Variants in DNAJC15 observed in about 807,000 individuals in gnomAD.
DNAJC15 encodes the protein dnaJ homolog subfamily C member 15.
A neutral mutation model predicts 22.4 loss-of-function variants in DNAJC15; 27 were observed. The ratio of observed to expected loss-of-function variants is 1.20; its 90% CI spans 0.89 to 1.66. DNAJC15 has a LOEUF of 1.66. Ranked by LOEUF, DNAJC15 falls within the 40% of genes most tolerant of loss-of-function variation. The pLI is 0.00. For missense variants in DNAJC15, 208 were observed against 187.1 expected (o/e 1.11, Z -0.65); for synonymous variants, 79 against 63.2 (o/e 1.25, Z -1.19).
chr13:43,025,475 ACTGT>A (rs1276511685), intron 1 of DNAJC15, among the ~76,000 whole-genome samples: 1 of 152,234 alleles, frequency 6.6e-6, no homozygotes. Flanking sequence ...TGATTCTCAA[ACTGT>A]CTGTGTCCTG....
chr13:43,111,150 G>A lies in DNAJC15; in HGVS notation c.*3902G>A, dbSNP rs1440146272. The stretch of plus-strand genomic sequence containing the variant: ...AGCGTAAAGTCAAAAGTGGAGGGAA[G>A]TTTAGTAAGGAAAAAATGTTGGGCT... On this transcript the variant is annotated 3_prime_UTR_variant, in exon 6 of 6. Transcript: ENST00000379221. The A allele has an allele frequency of 6.6e-6, 1 of 152,078 alleles. No homozygotes were observed. Among genetic ancestry groups the A allele is most frequent in the East Asian group, 1.9e-4 (1 of 5,198 alleles). 9.4% of individuals were successfully genotyped at this position (152,078 alleles called of 1,614,324 possible).
intron 5 of DNAJC15, among the ~76,000 whole-genome samples, chr13:43,093,310 C>CT (rs202195885): frequency 0.015 from 2,214 of 152,220 alleles, 57 homozygotes; most frequent in African/African-American, 0.048. Context: ...AGTTTTCAAA[C>CT]TTTTTTGTCT....
rs2040738637 is a variant in DNAJC15, at chr13:43,096,156, A to G, written c.382+10318A>G. Among the ~76,000 whole-genome samples, 5 of 152,182 alleles carry G rather than the reference A, an allele frequency of 3.3e-5. No individual in the cohort carries two copies. The South Asian group carries it at 1.0e-3, about 32-fold the overall frequency. ...AATAAATGTAATGTTTTAAGTCTCA[A>G]AAGTCAATTGTATAACTGTGGGACA... On this transcript the variant is annotated intron_variant, in intron 5 of 5. Coordinates refer to ENST00000379221, the MANE Select transcript of DNAJC15 (RefSeq NM_013238.3).
At chr13:43,080,810 C>T (rs1322798384) in intron 4 of DNAJC15, among the ~76,000 whole-genome samples, 1 of 152,198 alleles carries the variant, frequency 6.6e-6, no homozygotes, top group Non-Finnish European at 1.5e-5. Flanking sequence ...CTTTCCATGT[C>T]TGTCACGAAC....
chr13:43,052,309 G>GT (rs1164775294), intron 1 of DNAJC15, among the ~76,000 whole-genome samples: 1 of 152,074 alleles, frequency 6.6e-6, no homozygotes, highest in African/African-American at 2.4e-5. Flanking sequence ...GAGTAAGGTG[G>GT]TATGGCATTA....
At chr13:43,091,588 T>C (rs982749927) in intron 5 of DNAJC15, among the ~76,000 whole-genome samples, 1 of 152,232 alleles carries the variant, frequency 6.6e-6, no homozygotes, top group East Asian at 1.9e-4. Context: ...TTATTCCCAA[T>C]ATTAGTACTT....
chr13:43,078,703 T>C lies in DNAJC15; in HGVS notation c.311+15T>C, dbSNP rs2040647515. 1.2e-6 allele frequency: 2 copies of C among 1,610,274 alleles called. No individual in the cohort carries two copies. The highest frequency in any genetic ancestry group is 1.7e-6 in the Non-Finnish European group (2 of 1,177,408). On this transcript the variant is annotated intron_variant, in intron 4 of 5. Transcript: ENST00000379221. ...TTAGGTGTAAGGTAGGTGTGCAGCA[T>C]AAGTATTGTTTTGTTGTGTGGCCAA... is the stretch of plus-strand genomic sequence containing the variant.
At chr13:43,050,252 C>T (rs1277626944) in intron 1 of DNAJC15, among the ~76,000 whole-genome samples, 1 of 152,142 alleles carries the variant, frequency 6.6e-6, no homozygotes, top group African/African-American at 2.4e-5. Flanking sequence ...AACAGCCTTA[C>T]TATTTCCACA....
chr13:43,048,920 T>C (rs1593314002), intron 1 of DNAJC15, among the ~76,000 whole-genome samples: 1 of 152,122 alleles, frequency 6.6e-6, no homozygotes, highest in East Asian at 1.9e-4. Flanking sequence ...TCAGATAAAA[T>C]GTTTCAAAAC....
At position 43,056,631 on chromosome 13, in the gene DNAJC15, C is replaced by T. The variant is rs9594874; in HGVS notation, c.109-9055C>T. 6.4e-3 allele frequency among the ~76,000 whole-genome samples: 980 copies of T among 152,142 alleles called. 4 individuals carry two copies. The highest frequency in any genetic ancestry group is 0.022 in the African/African-American group (920 of 41,512). ...GTGCTGTCAGTGAAGTAGTGAAGTC[C>T]CCCACTGTTATTGTGTTGCCATCTA... On this transcript the variant is annotated intron_variant, in intron 1 of 5. Coordinates refer to ENST00000379221, the MANE Select transcript of DNAJC15 (RefSeq NM_013238.3).
chr13:43,078,702 A>T lies in DNAJC15; in HGVS notation c.311+14A>T. ...TTTAGGTGTAAGGTAGGTGTGCAGC[A>T]TAAGTATTGTTTTGTTGTGTGGCCA... On this transcript the variant is annotated intron_variant, in intron 4 of 5. Coordinates refer to ENST00000379221, the MANE Select transcript of DNAJC15 (RefSeq NM_013238.3). 6.2e-7 allele frequency: 1 copy of T among 1,610,748 alleles called. No individual in the cohort carries two copies. The highest frequency in any genetic ancestry group is 1.7e-5 in the Admixed American group (1 of 60,002).
chr13:43,023,935 A>C lies in DNAJC15; in HGVS notation c.108+201A>C, dbSNP rs188726581. 7.9e-5 allele frequency among the ~76,000 whole-genome samples: 12 copies of C among 152,370 alleles called. No individual in the cohort carries two copies. The East Asian group carries it at 2.3e-3, about 29-fold the overall frequency. ...CGTGGAAGACGGAGCAGTTCTGAGG[A>C]TCTGTCTCCTCAAGGAGCTTCCAGT... On this transcript the variant is annotated intron_variant, in intron 1 of 5. Transcript: ENST00000379221.
intron 1 of DNAJC15, among the ~76,000 whole-genome samples, chr13:43,042,822 T>C (rs1475726379): frequency 1.3e-5 from 2 of 152,248 alleles, no homozygotes; most frequent in Non-Finnish European, 2.9e-5. Context: ...ATAAACTCCA[T>C]AGGTGTTAGC....
chr13:43,076,654 A>G (rs571310922), intron 3 of DNAJC15, among the ~76,000 whole-genome samples: 199 of 152,286 alleles, frequency 1.3e-3, no homozygotes, highest in African/African-American at 4.6e-3. Context: ...CTGTAATCAT[A>G]TATGTGTATG....
At chr13:43,035,378 T>C (rs1204383138) in intron 1 of DNAJC15, among the ~76,000 whole-genome samples, 2 of 152,196 alleles carry the variant, frequency 1.3e-5, no homozygotes, top group Admixed American at 6.5e-5. Flanking sequence ...GGTTAAATAT[T>C]GCATATTCAT....
chr13:43,057,391 G>A (rs959494135), intron 1 of DNAJC15, among the ~76,000 whole-genome samples: 5 of 151,982 alleles, frequency 3.3e-5, no homozygotes, highest in Admixed American at 2.6e-4. Flanking sequence ...GTTCGATTCT[G>A]TTGTAACTTT....
chr13:43,091,303 G>C (rs2040713771), intron 5 of DNAJC15, among the ~76,000 whole-genome samples: 1 of 152,124 alleles, frequency 6.6e-6, no homozygotes, highest in South Asian at 2.1e-4. Flanking sequence ...GGCCAGGCTG[G>C]TCACGAACTC....
intron 5 of DNAJC15, 115 bp downstream of exon 5, chr13:43,085,953 T>G: frequency 2.3e-6 from 2 of 873,800 alleles, no homozygotes; most frequent in Non-Finnish European, 3.4e-6. Context: ...GCCACATGTA[T>G]TGTGATTTTT....
intron 1 of DNAJC15, among the ~76,000 whole-genome samples, chr13:43,029,178 C>T (rs562664890): frequency 1.3e-5 from 2 of 152,330 alleles, no homozygotes; most frequent in African/African-American, 4.8e-5. Context: ...CTCTCTTGCT[C>T]ACTGCTTTTT....
Sources: gnomAD v4.1 joint callset for allele counts (sites outside exome capture counted in the v4.1 genomes callset) on GRCh38, gnomAD v4.1.1 for gene constraint, MANE v1.5 for transcripts, NCBI Gene and HGNC (gene_info 2026-07-23, HGNC 2026-07-21) for gene names.